The following C10orf143 variants were observed in gnomAD, a reference collection of about 807,000 sequenced individuals.
C10orf143 encodes chromosome 10 open reading frame 143.
At chr10:130,083,135 A>G in intron 1 of C10orf143, among the ~76,000 whole-genome samples, 1 of 152,370 alleles carries the variant, frequency 6.6e-6, no homozygotes, top group South Asian at 2.1e-4. Context: ...GACATAAACA[A>G]TTTAAAAAAG....
intron 1 of C10orf143, among the ~76,000 whole-genome samples, chr10:130,086,981 G>A (rs1023015051): frequency 7.9e-5 from 12 of 152,184 alleles, no homozygotes; most frequent in South Asian, 2.1e-4. Context: ...CCAGGGTCCC[G>A]ACAGCCTGTA....
At chr10:130,042,466 T>C (rs1330565031) in intron 3 of C10orf143, among the ~76,000 whole-genome samples, 3 of 152,232 alleles carry the variant, frequency 2.0e-5, no homozygotes, top group Non-Finnish European at 4.4e-5. Flanking sequence ...TCTCAAACGG[T>C]CTCAGTCCTG....
chr10:130,098,101 T>C (rs999625735), intron 1 of C10orf143, among the ~76,000 whole-genome samples: 15 of 151,306 alleles, frequency 9.9e-5, no homozygotes, highest in African/African-American at 3.7e-4. Flanking sequence ...GGCAGGAGGA[T>C]CACTTGAGGC....
At chr10:130,098,875 C>A (rs1230522039) in intron 1 of C10orf143, among the ~76,000 whole-genome samples, 19 of 152,118 alleles carry the variant, frequency 1.2e-4, no homozygotes, top group African/African-American at 4.8e-5. Context: ...TCACTGAGAT[C>A]AGGAGTTCAA....
chr10:130,099,192 C>T (rs939946830), intron 1 of C10orf143, among the ~76,000 whole-genome samples: 3 of 152,048 alleles, frequency 2.0e-5, no homozygotes, highest in African/African-American at 7.2e-5. Context: ...GATCAATTTC[C>T]TATATCTACA....
chr10:130,061,702 G>T (rs1483170250), downstream of C10orf143, among the ~76,000 whole-genome samples: 1 of 152,166 alleles, frequency 6.6e-6, no homozygotes, highest in East Asian at 1.9e-4. Context: ...CACTTTAAAG[G>T]GATAATCCCA....
At chr10:130,072,034 C>G (rs933033541) in intron 3 of C10orf143, among the ~76,000 whole-genome samples, 9 of 151,964 alleles carry the variant, frequency 5.9e-5, no homozygotes, top group Non-Finnish European at 8.8e-5. Context: ...TTGTGTGAGG[C>G]AGAGATCTAA....
intron 1 of C10orf143, among the ~76,000 whole-genome samples, chr10:130,103,416 G>C (rs1371799712): frequency 6.6e-6 from 1 of 152,130 alleles, no homozygotes; most frequent in Non-Finnish European, 1.5e-5. Flanking sequence ...CTTGAACCCA[G>C]GAGGCAGAGG....
At chr10:130,101,052 G>A (rs1010270820) in intron 1 of C10orf143, 2 of 151,338 alleles carry the variant, frequency 1.3e-5, no homozygotes, top group African/African-American at 4.9e-5. Flanking sequence ...ACCCCGTGGC[G>A]ACTAAAAATA....
At chr10:130,071,533 T>A (rs1249018932) in intron 3 of C10orf143, among the ~76,000 whole-genome samples, 2 of 152,240 alleles carry the variant, frequency 1.3e-5, no homozygotes, top group Admixed American at 1.3e-4. Context: ...ATCTTTATAT[T>A]TTGTGCATTG....
At chr10:130,059,110 T>C (rs1248903004), downstream of C10orf143, among the ~76,000 whole-genome samples, 1 of 152,210 alleles carries the variant, frequency 6.6e-6, no homozygotes, top group Non-Finnish European at 1.5e-5. Flanking sequence ...GATATATCAC[T>C]CTTTACCCTC....
At chr10:130,043,512 C>T (rs986949725) in intron 3 of C10orf143, among the ~76,000 whole-genome samples, 6 of 152,226 alleles carry the variant, frequency 3.9e-5, no homozygotes, top group Admixed American at 3.9e-4. Context: ...CAACTTTGCT[C>T]GTTCCAGCAG....
In C10orf143 at chr10:130,089,002, A is replaced by G. The variant is rs114950232; in HGVS notation, c.70-9101T>C. Among the ~76,000 whole-genome samples the G allele has an allele frequency of 3.3e-3, 497 of 152,288 alleles. 6 individuals carry two copies. The highest frequency in any genetic ancestry group is 0.011 in the African/African-American group (471 of 41,560). On this transcript the variant is annotated intron_variant, in intron 1 of 3. Coordinates refer to ENST00000637128, the MANE Select transcript of C10orf143 (RefSeq NM_001355042.2). ...TGACCTTTTTTAAAAAAGACTCCTC[A>G]GCCTACTATGCTCGAGCTTTCAGTC...
At chr10:130,036,819 C>A (rs1023941381) in intron 3 of C10orf143, among the ~76,000 whole-genome samples, 2 of 152,060 alleles carry the variant, frequency 1.3e-5, no homozygotes, top group Admixed American at 1.3e-4. Flanking sequence ...TCCTAGAGAA[C>A]AATGGTGCCC....
chr10:130,091,476 G>A (rs111621701), intron 1 of C10orf143, among the ~76,000 whole-genome samples: 7,683 of 152,234 alleles, frequency 0.05, 654 homozygotes, highest in African/African-American at 0.18. Context: ...GCACAAAAAG[G>A]CTGAAAATTC....
At chr10:130,091,434 G>T (rs1173095777) in intron 1 of C10orf143, among the ~76,000 whole-genome samples, 3 of 152,172 alleles carry the variant, frequency 2.0e-5, no homozygotes, top group African/African-American at 7.2e-5. Context: ...AAGACCAAAG[G>T]TAGATAAATC....
rs1482429346 is a variant in C10orf143 at position 130,069,785 on chromosome 10, C to G, written c.298-5402G>C. 5.3e-5 allele frequency among the ~76,000 whole-genome samples: 8 copies of G among 152,054 alleles called. No individual in the cohort carries two copies. In the South Asian group the frequency reaches 1.7e-3, roughly 32 times the overall value. ...GTCACTGTGGTCAGCCTTGGATATT[C>G]TATGTAGATAATTATACCATCTGGA... On this transcript the variant is annotated intron_variant, in intron 3 of 3. Coordinates refer to ENST00000637128, the MANE Select transcript of C10orf143 (RefSeq NM_001355042.2).
chr10:130,097,431 A>G (rs548215271), intron 1 of C10orf143, among the ~76,000 whole-genome samples: 66 of 152,308 alleles, frequency 4.3e-4, no homozygotes, highest in African/African-American at 1.4e-3. Context: ...ACTGCTCCGT[A>G]TCTACTAGAA....
chr10:130,093,932 C>T (rs2134793322), intron 1 of C10orf143, among the ~76,000 whole-genome samples: 1 of 151,042 alleles, frequency 6.6e-6, no homozygotes, highest in South Asian at 2.1e-4. Flanking sequence ...ATGGCATGAA[C>T]CCGGGAGGCG....
Sources: gnomAD v4.1 joint callset for allele counts (sites outside exome capture counted in the v4.1 genomes callset) on GRCh38, gnomAD v4.1.1 for gene constraint, MANE v1.5 for transcripts, NCBI Gene and HGNC (gene_info 2026-07-23, HGNC 2026-07-21) for gene names.